The following ZFP57 variants were observed in gnomAD, a reference collection of about 807,000 sequenced individuals.
The protein encoded by ZFP57 is zinc finger protein 57 homolog.
In ZFP57, 12 loss-of-function variants were observed where a neutral mutation model predicts 15.8. That is an observed-to-expected ratio of 0.76 (90% CI 0.49 to 1.23). The LOEUF (loss-of-function observed/expected upper bound fraction) is 1.23, where lower values mean the gene tolerates loss of function less well. ZFP57 is among the 50% of genes most tolerant of loss of function. The pLI is 0.00. For missense variants in ZFP57, 536 were observed against 654.9 expected, an observed-to-expected ratio of 0.82 and a Z score of 1.98; for synonymous variants, 203 against 242.3, an observed-to-expected ratio of 0.84 and a Z score of 1.51.
rs1771821784 is a variant in ZFP57, at chr6:29,673,237, C to T, written c.874G>A (p.Glu292Lys). 3 of 1,613,062 alleles carry T rather than the reference C, an allele frequency of 1.9e-6. No individual in the cohort carries two copies. In the South Asian group the frequency reaches 3.3e-5, roughly 18 times the overall value. Residue 292 changes from glutamate (E) to lysine (K), a missense_variant, in exon 5 of 5, where the codon GAG becomes AAG. Transcript: ENST00000376883. This position sits in a 1 kb window ranked among gnomAD's most constrained non-coding sequence, Gnocchi z 4.7. ...GTGCCTGGAATCCTCAAAGTACACT[C>T]CTGGTTTCCATCCACTGGCTCCTGG... is the stretch of plus-strand genomic sequence containing the variant. ...QNQEPVDGNQ[E>K]CTLRIPGTQA...
At chr6:29,675,337 G>A in intron 4 of ZFP57, 49 bp downstream of exon 4, 1 of 1,325,092 alleles carries the variant, frequency 7.5e-7, no homozygotes, top group Non-Finnish European at 1.1e-6. Flanking sequence ...ATCCTTTCAG[G>A]GGTTATCCTG....
rs1404065735 is a variant in ZFP57 at position 29,673,349 on chromosome 6, C to A, written c.762G>T (p.Leu254=). Residue 254 remains leucine (L), a synonymous_variant, in exon 5 of 5, where the codon CTG becomes CTT. Coordinates refer to ENST00000376883, the MANE Select transcript of ZFP57 (RefSeq NM_001109809.5). The surrounding 1 kb of genome is among the most constrained non-coding windows in gnomAD (Gnocchi z 4.7). ...CAGAGCATGAATGGGGCCGGTAACCCAGATGGACGCGGCGGTGACGACTTA... is the reference window on the plus strand; with the variant it reads ...CAGAGCATGAATGGGGCCGGTAACCAAGATGGACGCGGCGGTGACGACTTA... ...SGLSRHRRVH[L]GYRPHSCSVC... 15 of 1,612,898 alleles carry A rather than the reference C, an allele frequency of 9.3e-6. No individual in the cohort carries two copies. Among genetic ancestry groups the A allele is most frequent in the Non-Finnish European group, 1.3e-5 (15 of 1,180,046 alleles).
In ZFP57 at chr6:29,672,595, G is replaced by T. The variant is rs764004089; in HGVS notation, c.1516C>A (p.Pro506Thr). ...CTTCTCCTGGGGGTATGGATCCTGG[G>T]GGGAGATTGATCACCTCCATGCTTC... ...EWKHGGDQSP[P>T]RIHTPRRRGL... The change falls in exon 5 of 5, where the codon CCC becomes ACC. Residue 506 changes from proline to threonine, a missense_variant. Coordinates refer to ENST00000376883, the MANE Select transcript of ZFP57 (RefSeq NM_001109809.5). 4 of 1,612,338 alleles carry T rather than the reference G, an allele frequency of 2.5e-6. No individual in the cohort carries two copies. The highest frequency in any genetic ancestry group is 3.4e-6 in the Non-Finnish European group (4 of 1,179,522).
At chr6:29,674,531 C>T (rs1439127409) in intron 4 of ZFP57, among the ~76,000 whole-genome samples, 2 of 152,198 alleles carry the variant, frequency 1.3e-5, no homozygotes, top group African/African-American at 2.4e-5. Context: ...AGACAATCCA[C>T]AGACACCCAC....
At position 29,673,955 on chromosome 6, in the gene ZFP57, G is replaced by A. The variant is rs1297585368; in HGVS notation, c.353-197C>T. ...CTACAAATACAAAAATTAGCTGGGC[G>A]TCATGGCATCTGCCTGTAATCTCAG... On this transcript the variant is annotated intron_variant, in intron 4 of 4. Transcript: ENST00000376883. This position sits in a 1 kb window ranked among gnomAD's most constrained non-coding sequence, Gnocchi z 4.7. Among the ~76,000 whole-genome samples the A allele has an allele frequency of 2.0e-5, 3 of 152,022 alleles. No homozygotes were observed. Among genetic ancestry groups the A allele is most frequent in the African/African-American group, 4.8e-5 (2 of 41,388 alleles).
chr6:29,674,593 T>C (rs1041816668), intron 4 of ZFP57, among the ~76,000 whole-genome samples: 3 of 152,158 alleles, frequency 2.0e-5, no homozygotes, highest in Admixed American at 6.5e-5. Flanking sequence ...AGAGGTGTTA[T>C]TAATAATCAA....
chr6:29,680,278 C>T (rs578139433), intron 1 of ZFP57, among the ~76,000 whole-genome samples: 3 of 152,248 alleles, frequency 2.0e-5, no homozygotes, highest in East Asian at 3.9e-4. Context: ...GGGAATGTGT[C>T]GTCGCCATCT....
intron 1 of ZFP57, among the ~76,000 whole-genome samples, chr6:29,679,539 A>T (rs1262376868): frequency 2.0e-5 from 3 of 151,672 alleles, no homozygotes; most frequent in African/African-American, 7.3e-5. Flanking sequence ...CACTCCTTTT[A>T]TGAGGCATGC....
In ZFP57 at chr6:29,673,350, A is replaced by T. The variant is rs1358685458; in HGVS notation, c.761T>A (p.Leu254Gln). 7.4e-6 allele frequency: 12 copies of T among 1,612,962 alleles called. No homozygotes were observed. Among genetic ancestry groups the T allele is most frequent in the Non-Finnish European group, 7.6e-6 (9 of 1,180,042 alleles). The change falls in exon 5 of 5, where the codon CTG becomes CAG. Residue 254 changes from leucine (L) to glutamine (Q), a missense_variant. By Grantham distance (113) the Leu-to-Gln change is moderately radical. Transcript: ENST00000376883. The surrounding 1 kb of genome is among the most constrained non-coding windows in gnomAD (Gnocchi z 4.7). Reference sequence around the variant, plus strand: ...AGAGCATGAATGGGGCCGGTAACCCAGATGGACGCGGCGGTGACGACTTAG... The same window carrying T: ...AGAGCATGAATGGGGCCGGTAACCCTGATGGACGCGGCGGTGACGACTTAG... ...SGLSRHRRVH[L>Q]GYRPHSCSVC...
At chr6:29,678,292 G>T (rs1772174375) in intron 1 of ZFP57, among the ~76,000 whole-genome samples, 1 of 152,186 alleles carries the variant, frequency 6.6e-6, no homozygotes, top group Non-Finnish European at 1.5e-5. Flanking sequence ...TTTTCTCTCT[G>T]GCCTGCCCAG....
Position 29,673,607 on chromosome 6 carries a change from T to C in ZFP57, c.504A>G (p.Ala168=), listed in dbSNP as rs746724268. The part of the protein sequence containing the change: ...GTMDRTRVLQ[A]SQAGPPFFCY... Reference sequence around the variant, plus strand: ...AAAAAAAGGGTGGCCCAGCCTGGGATGCTTGAAGCACCCGGGTCCTGTCCA... The same window carrying C: ...AAAAAAAGGGTGGCCCAGCCTGGGACGCTTGAAGCACCCGGGTCCTGTCCA... The change falls in exon 5 of 5, where the codon GCA becomes GCG. Residue 168 remains alanine, a synonymous_variant. Coordinates refer to ENST00000376883, the MANE Select transcript of ZFP57 (RefSeq NM_001109809.5). This position sits in a 1 kb window ranked among gnomAD's most constrained non-coding sequence, Gnocchi z 4.7. The C allele has an allele frequency of 4.3e-6, 7 of 1,612,994 alleles. No individual in the cohort carries two copies. The highest frequency in any genetic ancestry group is 5.1e-6 in the Non-Finnish European group (6 of 1,179,986).
At chr6:29,677,583 T>A (rs1043221276) in intron 1 of ZFP57, among the ~76,000 whole-genome samples, 2 of 152,190 alleles carry the variant, frequency 1.3e-5, no homozygotes, top group Admixed American at 6.5e-5. Context: ...TCTACAAAAG[T>A]TAATGTTTAA....
In ZFP57 at chr6:29,673,292, C is replaced by T. The variant is rs1256677166; in HGVS notation, c.819G>A (p.Glu273=). ...VCGKSFRDQS[E]LKRHQKIHQN... ...GGTGTATCTTCTGGTGGCGTTTGAG[C>T]TCAGACTGGTCCCGGAAGCTCTTCC... The change falls in exon 5 of 5, where the codon GAG becomes GAA. Residue 273 remains glutamate (E), a synonymous_variant. Coordinates refer to ENST00000376883, the MANE Select transcript of ZFP57 (RefSeq NM_001109809.5). This position sits in a 1 kb window ranked among gnomAD's most constrained non-coding sequence, Gnocchi z 4.7. 7 of 1,612,926 alleles carry T rather than the reference C, an allele frequency of 4.3e-6. No individual in the cohort carries two copies. In the Admixed American group the frequency reaches 1.0e-4, roughly 23 times the overall value.
rs755114895 is a variant in ZFP57 at position 29,673,953 on chromosome 6, G to A, written c.353-195C>T. On this transcript the variant is annotated intron_variant, in intron 4 of 4. Transcript: ENST00000376883. The surrounding 1 kb of genome is among the most constrained non-coding windows in gnomAD (Gnocchi z 4.7). ...TACTACAAATACAAAAATTAGCTGGGCGTCATGGCATCTGCCTGTAATCTC... is the reference window on the plus strand; with the variant it reads ...TACTACAAATACAAAAATTAGCTGGACGTCATGGCATCTGCCTGTAATCTC... Among the ~76,000 whole-genome samples, 13 of 152,090 alleles carry A rather than the reference G, an allele frequency of 8.5e-5. No homozygotes were observed. The highest frequency in any genetic ancestry group is 8.5e-4 in the Admixed American group (13 of 15,266).
chr6:29,680,326 A>C (rs766157496), intron 1 of ZFP57, among the ~76,000 whole-genome samples: 1 of 152,098 alleles, frequency 6.6e-6, no homozygotes, highest in Non-Finnish European at 1.5e-5. Context: ...TCTCCAACCC[A>C]AAACCCTTTA....
At chr6:29,680,728 T>TA (rs1343391027) in intron 1 of ZFP57, among the ~76,000 whole-genome samples, 3 of 152,200 alleles carry the variant, frequency 2.0e-5, no homozygotes, top group African/African-American at 7.2e-5. Context: ...ACCCACTGAA[T>TA]GCGCTTATGT....
chr6:29,677,674 T>G (rs1327679402), intron 1 of ZFP57, among the ~76,000 whole-genome samples: 1 of 152,212 alleles, frequency 6.6e-6, no homozygotes, highest in African/African-American at 2.4e-5. Flanking sequence ...ACAGATCACC[T>G]CGAGTGAGTC....
chr6:29,680,816 CTT>C (rs2127550632), intron 1 of ZFP57, among the ~76,000 whole-genome samples: 1 of 152,274 alleles, frequency 6.6e-6, no homozygotes, highest in African/African-American at 2.4e-5. Flanking sequence ...GGGATGCCGA[CTT>C]TTTCAACACG....
intron 4 of ZFP57, among the ~76,000 whole-genome samples, chr6:29,674,167 G>GAGA (rs200091395): frequency 2.9e-4 from 43 of 148,598 alleles, no homozygotes; most frequent in African/African-American, 6.0e-4. Context: ...AGAAGAGAAG[G>GAGA]AGAAGAAGAA....
Sources: gnomAD v4.1 joint callset for allele counts (sites outside exome capture counted in the v4.1 genomes callset) on GRCh38, gnomAD v4.1.1 for gene constraint, Gnocchi (gnomAD v3.1) non-coding constraint, MANE v1.5 for transcripts, NCBI Gene and HGNC (gene_info 2026-07-23, HGNC 2026-07-21) for gene names.